Variants in SOX5 observed in about 807,000 individuals in gnomAD.
SOX5 encodes SRY-box transcription factor 5, also known as transcription factor SOX-5.
In SOX5, 9 loss-of-function variants were observed where a neutral mutation model predicts 92.0. The ratio of observed to expected loss-of-function variants is 0.10; its 90% CI spans 0.06 to 0.17. The LOEUF is 0.17. SOX5 is among the 10% of genes least tolerant of loss of function. SOX5 has a pLI of 1.00. For synonymous variants in SOX5, 344 were observed against 336.3 expected, an observed-to-expected ratio of 1.02 and a Z score of -0.25; for missense variants, 642 against 944.5, an observed-to-expected ratio of 0.68 and a Z score of 4.20.
At chr12:23,797,488 C>T (rs1420643490) in intron 3 of SOX5, among the ~76,000 whole-genome samples, 1 of 151,884 alleles carries the variant, frequency 6.6e-6, no homozygotes. Flanking sequence ...AAAGTGATAA[C>T]TCTTCGGCAT....
At chr12:23,700,176 G>C (rs944326780) in intron 6 of SOX5, among the ~76,000 whole-genome samples, 3 of 152,032 alleles carry the variant, frequency 2.0e-5, no homozygotes, top group Admixed American at 6.6e-5. Flanking sequence ...AATTTAATAC[G>C]AGTGGAATTT....
At chr12:23,912,110 AT>A (rs2097358209) in intron 1 of SOX5, among the ~76,000 whole-genome samples, 2 of 152,134 alleles carry the variant, frequency 1.3e-5, no homozygotes, top group South Asian at 4.1e-4. Context: ...ATATAAATAT[AT>A]ATGCATATAC....
At chr12:24,551,793 A>ATATCTCAC (rs1293179962) in intron 1 of SOX5, among the ~76,000 whole-genome samples, 1 of 151,988 alleles carries the variant, frequency 6.6e-6, no homozygotes, top group Non-Finnish European at 1.5e-5. Flanking sequence ...TCTCACCAGG[A>ATATCTCAC]CTCCTTTTCA....
At chr12:24,528,143 G>A (rs1950873711) in intron 1 of SOX5, among the ~76,000 whole-genome samples, 1 of 152,208 alleles carries the variant, frequency 6.6e-6, no homozygotes, top group South Asian at 2.1e-4. Flanking sequence ...TTCATGAGAA[G>A]GAAGCTAAGA....
intron 3 of SOX5, among the ~76,000 whole-genome samples, chr12:24,224,602 G>T (rs1961439299): frequency 6.6e-6 from 1 of 151,990 alleles, no homozygotes; most frequent in Admixed American, 6.6e-5. Context: ...CTCTGTGCCA[G>T]AATTACAGTT....
intron 1 of SOX5, among the ~76,000 whole-genome samples, chr12:24,391,724 A>G (rs1156485773): frequency 6.6e-6 from 1 of 152,202 alleles, no homozygotes; most frequent in Non-Finnish European, 1.5e-5. Context: ...TTGAGAACCC[A>G]TACTGGCTTC....
At chr12:24,303,545 T>C (rs1948232203) in intron 2 of SOX5, among the ~76,000 whole-genome samples, 1 of 152,168 alleles carries the variant, frequency 6.6e-6, no homozygotes, top group South Asian at 2.1e-4. Flanking sequence ...TATAGCAAAC[T>C]TTGTAGGAAG....
At chr12:24,074,199 A>C (rs1942182445) in intron 4 of SOX5, among the ~76,000 whole-genome samples, 1 of 152,170 alleles carries the variant, frequency 6.6e-6, no homozygotes, top group Non-Finnish European at 1.5e-5. Flanking sequence ...CAGGTCACAC[A>C]CAAGAATCAT....
At chr12:24,360,730 T>C (rs1243801606) in intron 2 of SOX5, among the ~76,000 whole-genome samples, 1 of 152,208 alleles carries the variant, frequency 6.6e-6, no homozygotes, top group African/African-American at 2.4e-5. Context: ...TTCTAAAAAC[T>C]GGATATATGT....
intron 2 of SOX5, among the ~76,000 whole-genome samples, chr12:23,888,061 G>T (rs1464125369): frequency 1.3e-5 from 2 of 151,814 alleles, no homozygotes; most frequent in Admixed American, 1.3e-4. Flanking sequence ...CTGTATCAGG[G>T]TTCTAATATT....
At position 23,629,502 on chromosome 12, in the gene SOX5, G is replaced by T. The variant is rs115133592; in HGVS notation, c.1017+11310C>A. Among the ~76,000 whole-genome samples, 1,392 of 152,124 alleles carry T rather than the reference G, an allele frequency of 9.2e-3. 22 individuals are homozygous for T. Among genetic ancestry groups the T allele is most frequent in the African/African-American group, 0.032 (1,344 of 41,550 alleles). On this transcript the variant is annotated intron_variant, in intron 8 of 14. Coordinates refer to ENST00000451604, the MANE Select transcript of SOX5 (RefSeq NM_006940.6). Reference sequence around the variant, plus strand: ...ATAAAATTAAGGAGCTGGAATAGAAGAATGGTTTTTAAGTTTTGCTTAGCA... The same window carrying T: ...ATAAAATTAAGGAGCTGGAATAGAATAATGGTTTTTAAGTTTTGCTTAGCA...
intron 3 of SOX5, among the ~76,000 whole-genome samples, chr12:23,784,903 C>CTTTT (rs1208659254): frequency 6.6e-6 from 1 of 152,078 alleles, no homozygotes; most frequent in Non-Finnish European, 1.5e-5. Flanking sequence ...ATAGCAAGAT[C>CTTTT]TTTTCTCTGC....
intron 1 of SOX5, among the ~76,000 whole-genome samples, chr12:24,437,022 A>C (rs568174356): frequency 6.6e-6 from 1 of 152,354 alleles, no homozygotes; most frequent in East Asian, 1.9e-4. Flanking sequence ...CTGCTCAGAA[A>C]AAAAGATTCC....
At chr12:24,004,788 C>T (rs150250395) in intron 4 of SOX5, among the ~76,000 whole-genome samples, 3 of 152,114 alleles carry the variant, frequency 2.0e-5, no homozygotes, top group Non-Finnish European at 2.9e-5. Context: ...ATTAAACATA[C>T]GTCCACACAA....
intron 4 of SOX5, among the ~76,000 whole-genome samples, chr12:24,180,936 G>A (rs551511150): frequency 1.1e-4 from 16 of 152,262 alleles, no homozygotes; most frequent in African/African-American, 3.6e-4. Context: ...AGTTGAATTC[G>A]TCTCAGATCT....
At chr12:24,364,972 T>C (rs1212872324) in intron 2 of SOX5, among the ~76,000 whole-genome samples, 1 of 152,194 alleles carries the variant, frequency 6.6e-6, no homozygotes, top group East Asian at 1.9e-4. Context: ...TGAAAGCTGA[T>C]CATCCCCCAA....
At chr12:24,367,171 G>A (rs1956259521) in intron 2 of SOX5, among the ~76,000 whole-genome samples, 1 of 152,102 alleles carries the variant, frequency 6.6e-6, no homozygotes, top group Non-Finnish European at 1.5e-5. Context: ...AGTAACTGCT[G>A]AGGTTTGAAG....
chr12:23,992,340 A>C (rs1204944738), intron 4 of SOX5, among the ~76,000 whole-genome samples: 1 of 152,178 alleles, frequency 6.6e-6, no homozygotes, highest in African/African-American at 2.4e-5. Context: ...CCACAAAAAA[A>C]GATTGCTTCC....
intron 8 of SOX5, among the ~76,000 whole-genome samples, chr12:23,632,455 TA>T (rs1217464044): frequency 6.6e-6 from 1 of 152,152 alleles, no homozygotes; most frequent in African/African-American, 2.4e-5. Flanking sequence ...AATAACAAGA[TA>T]AAAATCCTCA....
Sources: allele counts gnomAD v4.1 joint callset (sites outside exome capture counted in the v4.1 genomes callset), GRCh38; gene constraint gnomAD v4.1.1; transcripts MANE v1.5; gene names NCBI Gene and HGNC (gene_info 2026-07-23, HGNC 2026-07-21).